The following MICU3 variants were observed in gnomAD, a reference collection of about 807,000 sequenced individuals.
MICU3 encodes the protein mitochondrial calcium uptake 3.
In MICU3, 62 loss-of-function variants were observed where a neutral mutation model predicts 66.5. The ratio of observed to expected loss-of-function variants is 0.93; its 90% confidence interval spans 0.76 to 1.15. The LOEUF is 1.15. Ranked by LOEUF, MICU3 falls within the 50% of genes most tolerant of loss-of-function variation. The pLI, the probability that MICU3 is intolerant of heterozygous loss-of-function variation, is 0.00. For synonymous variants in MICU3, 308 were observed against 240.7 expected, an observed-to-expected ratio of 1.28 and a Z score of -2.59; for missense variants, 779 against 664.4, an observed-to-expected ratio of 1.17 and a Z score of -1.90.
Position 17,104,448 on chromosome 8 carries a change from G to T in MICU3, c.1042G>T (p.Gly348Ter). ...TDTTLLVHFFGKKGKAELNFE... is the reference protein window; with the variant it reads ...TDTTLLVHFF ...TACTACACTTCTTGTACACTTTTTTGGAAAGAAAGGAAAAGCTGAGCTCAA... is the reference window on the plus strand; with the variant it reads ...TACTACACTTCTTGTACACTTTTTTTGAAAGAAAGGAAAAGCTGAGCTCAA... The change falls in exon 10 of 15, where the codon GGA becomes TGA. Residue 348 changes from glycine to a stop codon, truncating the protein, a stop_gained. Transcript: ENST00000318063. LOFTEE classifies it high-confidence loss of function. 6.8e-7 allele frequency: 1 copy of T among 1,461,052 alleles called. No homozygotes were observed. The highest frequency in any genetic ancestry group is 1.6e-5 in the South Asian group (1 of 62,260). The allele number at this position is 1,461,052 out of a possible 1,614,324, so 90.5% of individuals were successfully genotyped here.
intron 10 of MICU3, 45 bp from the exon 11 acceptor site, chr8:17,105,368 A>T: frequency 8.4e-7 from 1 of 1,194,782 alleles, no homozygotes; most frequent in South Asian, 1.4e-5. Context: ...TGTTACGATT[A>T]CTCTTTCTTT....
At chr8:17,109,294 A>G (rs1664986156) in intron 11 of MICU3, among the ~76,000 whole-genome samples, 1 of 152,124 alleles carries the variant, frequency 6.6e-6, no homozygotes, top group African/African-American at 2.4e-5. Context: ...TGGTATTTTA[A>G]AATGTAGAAC....
chr8:17,113,986 C>A, intron 11 of MICU3, 107 bp from the exon 12 acceptor site: 1 of 633,232 alleles, frequency 1.6e-6, no homozygotes, highest in Non-Finnish European at 2.6e-6. Context: ...TGTTTACTTA[C>A]AAGATACATT....
intron 1 of MICU3, among the ~76,000 whole-genome samples, chr8:17,045,696 A>C (rs1267050354): frequency 1.3e-5 from 2 of 152,336 alleles, no homozygotes; most frequent in East Asian, 3.9e-4. Context: ...CTGCTAATGA[A>C]GACATACCTG....
chr8:17,031,326 C>T (rs143411552), intron 1 of MICU3, among the ~76,000 whole-genome samples: 120 of 149,278 alleles, frequency 8.0e-4, no homozygotes, highest in African/African-American at 2.8e-3. Context: ...ATCGCTCTAT[C>T]GCTCAGGCTG....
intron 1 of MICU3, among the ~76,000 whole-genome samples, chr8:17,040,520 C>G (rs532129025): frequency 2.5e-4 from 38 of 152,244 alleles, no homozygotes; most frequent in South Asian, 8.3e-4. Context: ...TACCTGTAAG[C>G]ATTAATGATT....
intron 2 of MICU3, among the ~76,000 whole-genome samples, chr8:17,065,521 T>A (rs923694903): frequency 1.3e-5 from 2 of 151,964 alleles, no homozygotes; most frequent in Non-Finnish European, 2.9e-5. Flanking sequence ...AAAAGATGAA[T>A]GGACAAAAGG....
chr8:17,118,635 T>G (rs906026237), intron 13 of MICU3, 72 bp from the exon 14 acceptor site: 1 of 982,598 alleles, frequency 1.0e-6, no homozygotes, highest in Non-Finnish European at 1.6e-6. Context: ...CTTTTTAGAT[T>G]CCACATGTAA....
At chr8:17,116,339 T>C (rs1019386641) in intron 12 of MICU3, 104 bp from the exon 13 acceptor site, 1 of 691,050 alleles carries the variant, frequency 1.4e-6, no homozygotes, top group Non-Finnish European at 2.2e-6. Flanking sequence ...CATAAGATCA[T>C]GATTCACATT....
chr8:17,102,234 C>G (rs530003242), intron 9 of MICU3, among the ~76,000 whole-genome samples: 1 of 151,966 alleles, frequency 6.6e-6, no homozygotes, highest in African/African-American at 2.4e-5. Flanking sequence ...AGAGGCGCCT[C>G]TACTCTTATG....
At chr8:17,046,691 G>A (rs376540826) in intron 1 of MICU3, among the ~76,000 whole-genome samples, 2 of 152,142 alleles carry the variant, frequency 1.3e-5, no homozygotes, top group South Asian at 4.2e-4. Context: ...ACCTTGGGAA[G>A]CTGGAAGTGA....
At chr8:17,079,000 T>G (rs1199939406) in intron 4 of MICU3, among the ~76,000 whole-genome samples, 1 of 152,132 alleles carries the variant, frequency 6.6e-6, no homozygotes, top group Non-Finnish European at 1.5e-5. Context: ...TTTCTTAATA[T>G]ACCTCATGGG....
chr8:17,027,473 G>C lies in MICU3; in HGVS notation c.194G>C (p.Gly65Ala). The C allele has an allele frequency of 7.7e-7, 1 of 1,290,732 alleles. No homozygotes were observed. Among genetic ancestry groups the C allele is most frequent in the Non-Finnish European group, 9.8e-7 (1 of 1,023,988 alleles). The allele number at this position is 1,290,732 out of a possible 1,614,324, so 80.0% of individuals were successfully genotyped here. Residue 65 changes from glycine to alanine, a missense_variant, in exon 1 of 15, where the codon GGG becomes GCG. Coordinates refer to ENST00000318063, the MANE Select transcript of MICU3 (RefSeq NM_181723.3). ...EAAWRRRRRW[G>A]ELSVAAAAGG... ...GCATGGAGGCGGCGGCGGCGCTGGG[G>C]GGAGCTGAGCGTGGCGGCGGCGGCC...
chr8:17,097,274 T>C (rs1022064019), intron 8 of MICU3, among the ~76,000 whole-genome samples: 4 of 151,806 alleles, frequency 2.6e-5, no homozygotes, highest in African/African-American at 7.3e-5. Context: ...CTGTATTAGT[T>C]CTATATTTAG....
chr8:17,063,008 G>C lies in MICU3; in HGVS notation c.382-1076G>C, dbSNP rs1023685681. 1.7e-4 allele frequency among the ~76,000 whole-genome samples: 26 copies of C among 152,022 alleles called. 1 individual carries two copies. Among genetic ancestry groups the C allele is most frequent in the African/African-American group, 5.3e-4 (22 of 41,394 alleles). On this transcript the variant is annotated intron_variant, in intron 1 of 14. Transcript: ENST00000318063. ...TCAACATGAATAACCAAGTAGAATT[G>C]TTTATGTTATACTATAAACATTTTC...
In MICU3 at chr8:17,077,772, T is replaced by C; in HGVS notation, c.568-11T>C. 1 of 1,598,228 alleles carries C rather than the reference T, an allele frequency of 6.3e-7. No individual in the cohort carries two copies. The highest frequency in any genetic ancestry group is 8.6e-7 in the Non-Finnish European group (1 of 1,167,204). On this transcript the variant is annotated splice_polypyrimidine_tract_variant and intron_variant, in intron 3 of 14. Coordinates refer to ENST00000318063, the MANE Select transcript of MICU3 (RefSeq NM_181723.3). ...TTTACCAATTCATCAGTAGTATAAC[T>C]TCTGTCATAGGAATTAAATCAAATG...
intron 1 of MICU3, among the ~76,000 whole-genome samples, chr8:17,057,835 CTTGTTG>C (rs3988341): frequency 1.1e-3 from 170 of 150,518 alleles, no homozygotes; most frequent in African/African-American, 3.7e-3. Flanking sequence ...TGTTGTTGTT[CTTGTTG>C]TTGTTGTTGT....
intron 1 of MICU3, among the ~76,000 whole-genome samples, chr8:17,044,897 C>T (rs763842078): frequency 1.3e-5 from 2 of 152,186 alleles, no homozygotes; most frequent in Non-Finnish European, 2.9e-5. Context: ...TAAGGGAACA[C>T]GTTTTAATTG....
chr8:17,068,884 A>T (rs1819117024), intron 2 of MICU3, among the ~76,000 whole-genome samples: 1 of 152,164 alleles, frequency 6.6e-6, no homozygotes, highest in South Asian at 2.1e-4. Context: ...CAGTTTCCTA[A>T]TACAGCTGTA....
Sources: allele counts gnomAD v4.1 joint callset (sites outside exome capture counted in the v4.1 genomes callset), GRCh38; gene constraint gnomAD v4.1.1; transcripts MANE v1.5; gene names NCBI Gene and HGNC (gene_info 2026-07-23, HGNC 2026-07-21).